Variants in MMD2 observed in about 807,000 individuals in gnomAD.
MMD2 encodes the protein monocyte to macrophage differentiation factor 2.
In MMD2, 30 loss-of-function variants were observed where a neutral mutation model predicts 33.5. The ratio of observed to expected loss-of-function variants is 0.90; its 90% CI spans 0.67 to 1.22. MMD2 has a LOEUF of 1.22. Ranked by LOEUF, MMD2 falls within the 50% of genes most tolerant of loss-of-function variation. MMD2 has a pLI of 0.00. For missense variants in MMD2, 364 were observed against 325.4 expected, an observed-to-expected ratio of 1.12 and a Z score of -0.91; for synonymous variants, 129 against 123.0, an observed-to-expected ratio of 1.05 and a Z score of -0.32.
At chr7:4,898,585 A>G in the MMD2 span, among the ~76,000 whole-genome samples, 1 of 152,048 alleles carries the variant, frequency 6.6e-6, no homozygotes, top group Non-Finnish European at 1.5e-5. Context: ...CCTAACTCCA[A>G]GGTGATGGTA....
chr7:4,953,030 T>C (rs1019321147), intron 1 of MMD2, among the ~76,000 whole-genome samples: 2 of 151,846 alleles, frequency 1.3e-5, no homozygotes, highest in African/African-American at 2.4e-5. Flanking sequence ...TTTAGAGACA[T>C]GGTCTCGATA....
intron 2 of MMD2, among the ~76,000 whole-genome samples, chr7:4,924,370 C>T (rs1003870548): frequency 2.0e-5 from 3 of 152,084 alleles, no homozygotes; most frequent in African/African-American, 7.2e-5. Flanking sequence ...CAGGTCAGGG[C>T]GGGGGGTTTG....
At chr7:4,892,536 C>T in the MMD2 span, among the ~76,000 whole-genome samples, 3 of 150,680 alleles carry the variant, frequency 2.0e-5, no homozygotes, top group East Asian at 2.0e-4. Context: ...TGCAGTGAGC[C>T]GAGATCGCAT....
chr7:4,951,009 G>A (rs2965039), intron 1 of MMD2, among the ~76,000 whole-genome samples: 26,632 of 151,994 alleles, frequency 0.18, 2,736 homozygotes, highest in Non-Finnish European at 0.25. Context: ...CACAGCGCCC[G>A]GCCTAAATTT....
At chr7:4,938,002 C>CTTTTTTTTTTTTTTTTTTTTTTTTTTT (rs1165504272) in intron 1 of MMD2, among the ~76,000 whole-genome samples, 42 of 45,650 alleles carry the variant, frequency 9.2e-4, no homozygotes, top group Non-Finnish European at 1.1e-3. Context: ...TTCTTTCTTT[C>CTTTTTTTTTTTTTTTTTTTTTTTTTTT]TTTTTTTTTT....
At chr7:4,924,921 G>A (rs906576360) in intron 2 of MMD2, among the ~76,000 whole-genome samples, 23 of 151,992 alleles carry the variant, frequency 1.5e-4, no homozygotes, top group Non-Finnish European at 3.1e-4. Flanking sequence ...GGGAGCCATC[G>A]AAGGTTCTTT....
intron 4 of MMD2, 68 bp downstream of exon 4, chr7:4,915,937 G>T: frequency 6.6e-7 from 1 of 1,515,232 alleles, no homozygotes; most frequent in South Asian, 1.1e-5. Context: ...CAGCCAAATA[G>T]AAAAATAAAT....
the MMD2 span, among the ~76,000 whole-genome samples, chr7:4,894,673 G>C: frequency 3.3e-4 from 50 of 152,158 alleles, no homozygotes; most frequent in African/African-American, 1.2e-3. This position sits in a 1 kb window ranked among gnomAD's most constrained non-coding sequence, Gnocchi z 4.3. Flanking sequence ...CACTCCTCTC[G>C]AGAGGGAGCT....
chr7:4,909,118 A>T (rs1431444683), intron 6 of MMD2, among the ~76,000 whole-genome samples: 1 of 151,972 alleles, frequency 6.6e-6, no homozygotes, highest in Non-Finnish European at 1.5e-5. Context: ...ATATTTAGAG[A>T]AAAAAAACAT....
the MMD2 span, among the ~76,000 whole-genome samples, chr7:4,892,324 A>G: frequency 6.6e-6 from 1 of 152,152 alleles, no homozygotes. Context: ...ACGGTGGCTC[A>G]CGCCTGTAAT....
At chr7:4,903,160 C>T (rs1304607155), downstream of MMD2, among the ~76,000 whole-genome samples, 1 of 152,142 alleles carries the variant, frequency 6.6e-6, no homozygotes, top group Non-Finnish European at 1.5e-5. Flanking sequence ...ATCACTTGAA[C>T]CCAGGAGGCA....
chr7:4,929,048 G>A (rs1785504797), intron 1 of MMD2, among the ~76,000 whole-genome samples: 1 of 152,168 alleles, frequency 6.6e-6, no homozygotes, highest in Non-Finnish European at 1.5e-5. Flanking sequence ...TATGGGCAGG[G>A]CAGGAGTGAA....
At chr7:4,920,903 A>T (rs182836606) in intron 2 of MMD2, among the ~76,000 whole-genome samples, 2 of 152,116 alleles carry the variant, frequency 1.3e-5, no homozygotes, top group Admixed American at 1.3e-4. Flanking sequence ...TTTTTTATAG[A>T]GGTGGGGTCT....
chr7:4,944,934 A>AT lies in MMD2; in HGVS notation c.47+14036dup, dbSNP rs563814170. ...AGGCGCCCGCCACCATGCCTGGCTA[A>AT]TTTTTTTTGTATTTTTAGCAGAGAC... is the stretch of plus-strand genomic sequence containing the variant. On this transcript the variant is annotated intron_variant, in intron 1 of 6. Transcript: ENST00000401401. Among the ~76,000 whole-genome samples, 515 of 149,608 alleles carry AT rather than the reference A, an allele frequency of 3.4e-3. 4 individuals are homozygous for AT. Among genetic ancestry groups the AT allele is most frequent in the African/African-American group, 0.012 (482 of 40,786 alleles).
At chr7:4,893,363 C>CA in the MMD2 span, among the ~76,000 whole-genome samples, 2 of 114,102 alleles carry the variant, frequency 1.8e-5, no homozygotes, top group South Asian at 3.4e-4. Context: ...ATGGTTATTT[C>CA]TTTTATTTAT....
chr7:4,898,066 C>T, the MMD2 span, among the ~76,000 whole-genome samples: 5 of 152,130 alleles, frequency 3.3e-5, no homozygotes, highest in African/African-American at 1.2e-4. Flanking sequence ...TCTAAACCCT[C>T]CTGACCTAAT....
At chr7:4,918,682 T>G (rs1027766144) in intron 3 of MMD2, among the ~76,000 whole-genome samples, 1 of 151,796 alleles carries the variant, frequency 6.6e-6, no homozygotes, top group Non-Finnish European at 1.5e-5. Flanking sequence ...GAGACAGGGT[T>G]TCACCATGTT....
At chr7:4,929,157 T>C (rs764143999) in intron 1 of MMD2, among the ~76,000 whole-genome samples, 6 of 152,098 alleles carry the variant, frequency 3.9e-5, no homozygotes, top group Non-Finnish European at 4.4e-5. Context: ...GGGTGACTGC[T>C]CTCTGCCTGC....
At chr7:4,953,208 A>G (rs1043522033) in intron 1 of MMD2, among the ~76,000 whole-genome samples, 2 of 151,398 alleles carry the variant, frequency 1.3e-5, no homozygotes, top group African/African-American at 2.4e-5. Context: ...TCACATAGTT[A>G]TTATCTGTTG....
Sources: allele counts gnomAD v4.1 joint callset (sites outside exome capture counted in the v4.1 genomes callset), GRCh38; gene constraint gnomAD v4.1.1; non-coding constraint Gnocchi (gnomAD v3.1); transcripts MANE v1.5; gene names NCBI Gene and HGNC (gene_info 2026-07-23, HGNC 2026-07-21).